The following AHNAK variants were observed in gnomAD, a reference collection of about 807,000 sequenced individuals.
AHNAK encodes the protein AHNAK nucleoprotein.
Under a neutral mutation model 37.8 loss-of-function variants are expected in AHNAK, and 23 were observed. That is an observed-to-expected ratio of 0.61 (90% CI 0.44 to 0.86). The LOEUF (loss-of-function observed/expected upper bound fraction) is 0.86, where lower values mean the gene tolerates loss of function less well. Ranked by LOEUF, AHNAK falls within the 40% of genes least tolerant of loss-of-function variation. The pLI is 0.00. For missense variants in AHNAK, 7,411 were observed against 7,319.4 expected, an observed-to-expected ratio of 1.01 and a Z score of -0.46; for synonymous variants, 2,481 against 2,636.3, an observed-to-expected ratio of 0.94 and a Z score of 1.80.
At position 62,534,093 on chromosome 11, in the gene AHNAK, G is replaced by T; in HGVS notation, c.343-19C>A. The T allele has an allele frequency of 6.6e-7, 1 of 1,522,054 alleles. No individual in the cohort carries two copies. The allele number at this position is 1,522,054 out of a possible 1,614,324, so 94.3% of individuals were successfully genotyped here. ...CCCCGCTCTGCAGAAAGACACGCCG[G>T]GCAGAGGTTGCAGCAGAGTCTGCCT... On this transcript the variant is annotated intron_variant, in intron 4 of 4. Transcript: ENST00000378024.
rs1324433446 is a variant in AHNAK at position 62,522,718 on chromosome 11, C to A, written c.11699G>T (p.Gly3900Val). 6.2e-7 allele frequency: 1 copy of A among 1,612,908 alleles called. No individual in the cohort carries two copies. Among genetic ancestry groups the A allele is most frequent in the Non-Finnish European group, 8.5e-7 (1 of 1,179,812 alleles). ...DMDVSLPKVEGDMQVPDLDIK... is the reference protein window; with the variant it reads ...DMDVSLPKVEVDMQVPDLDIK... ...ATCCAAGTCAGGAACTTGCATGTCA[C>A]CTTCCACTTTTGGCAGAGACACATC... Residue 3900 changes from glycine (G) to valine (V), a missense_variant, in exon 5 of 5, where the codon GGT becomes GTT. Gly to Val is a moderately radical substitution (Grantham distance 109). Transcript: ENST00000378024.
rs371833005 is a variant in AHNAK at position 62,524,725 on chromosome 11, G to T, written c.9692C>A (p.Pro3231His). Residue 3231 changes from proline (P) to histidine (H), a missense_variant, in exon 5 of 5, where the codon CCT (proline) becomes CAT (histidine). Physicochemically the swap from Pro to His is moderately conservative, Grantham distance 77. Transcript: ENST00000378024. ...AACATCCACCTCTCCTTTCATTTTA[G>T]GGCCTTTAAGATTGAGGTCCAAATC... ...MPDLDLNLKGPKMKGEVDVSL... is the reference protein window; with the variant it reads ...MPDLDLNLKGHKMKGEVDVSL... The T allele has an allele frequency of 3.7e-6, 6 of 1,613,980 alleles. No homozygotes were observed. The African/African-American group carries it at 8.0e-5, about 22-fold the overall frequency.
intron 5 of AHNAK, among the ~76,000 whole-genome samples, chr11:62,452,958 G>A (rs1212144587): frequency 1.3e-5 from 2 of 152,130 alleles, no homozygotes; most frequent in Non-Finnish European, 2.9e-5. Context: ...CCAGGAGGTG[G>A]AAGTTGCAGT....
At chr11:62,483,505 T>A (rs994564615) in intron 5 of AHNAK, among the ~76,000 whole-genome samples, 1 of 151,666 alleles carries the variant, frequency 6.6e-6, no homozygotes, top group Admixed American at 6.6e-5. Context: ...GGCGGGCGGA[T>A]CACGAGGTCA....
At position 62,520,088 on chromosome 11, in the gene AHNAK, G is replaced by A. The variant is rs773628400; in HGVS notation, c.14329C>T (p.His4777Tyr). The stretch of plus-strand genomic sequence containing the variant: ...ATTTTCACCTTGGGCATCTTCAGGT[G>A]CCAGTCTGGGCCATGAACATCCACA... Reference protein sequence around the residue: ...PDVDVHGPDWHLKMPKVKMPK... With the variant: ...PDVDVHGPDWYLKMPKVKMPK... Residue 4777 changes from histidine to tyrosine, a missense_variant, in exon 5 of 5, where the codon CAC becomes TAC. By Grantham distance (83) the His-to-Tyr change is moderately conservative. Transcript: ENST00000378024. 1 of 1,612,538 alleles carries A rather than the reference G, an allele frequency of 6.2e-7. No individual in the cohort carries two copies. The highest frequency in any genetic ancestry group is 1.3e-5 in the African/African-American group (1 of 74,350).
intron 5 of AHNAK, among the ~76,000 whole-genome samples, chr11:62,482,872 C>T (rs111270475): frequency 3.4e-4 from 51 of 152,210 alleles, no homozygotes; most frequent in African/African-American, 1.2e-3. Flanking sequence ...ATTCCTCATT[C>T]GTAATGTGCA....
At chr11:62,441,430 G>T (rs1938303025) in intron 5 of AHNAK, among the ~76,000 whole-genome samples, 1 of 152,104 alleles carries the variant, frequency 6.6e-6, no homozygotes, top group African/African-American at 2.4e-5. Flanking sequence ...CTGTGATGGA[G>T]CCACTGCCCT....
intron 5 of AHNAK, among the ~76,000 whole-genome samples, chr11:62,486,515 GAAGA>G (rs1208870063): frequency 9.5e-6 from 1 of 105,794 alleles, no homozygotes; most frequent in Non-Finnish European, 1.9e-5. Flanking sequence ...AGGAAGGAAG[GAAGA>G]AAGGAAAGAA....
At chr11:62,441,926 C>G (rs757636171) in intron 5 of AHNAK, among the ~76,000 whole-genome samples, 33 of 152,172 alleles carry the variant, frequency 2.2e-4, no homozygotes, top group Non-Finnish European at 4.1e-4. Flanking sequence ...CCAGCAAGCC[C>G]TTGGTCAGGC....
intron 1 of AHNAK, among the ~76,000 whole-genome samples, chr11:62,543,216 C>T (rs1274008073): frequency 6.6e-6 from 1 of 152,220 alleles, no homozygotes; most frequent in African/African-American, 2.4e-5. Context: ...ACACAAACTG[C>T]GCGTGCGGAC....
At chr11:62,512,138 C>T (rs1939926018), downstream of AHNAK, among the ~76,000 whole-genome samples, 1 of 152,226 alleles carries the variant, frequency 6.6e-6, no homozygotes, top group Non-Finnish European at 1.5e-5. The surrounding 1 kb of genome is among the most constrained non-coding windows in gnomAD (Gnocchi z 4.0). Context: ...TGAGCCACTG[C>T]ACCTGGCCTT....
chr11:62,504,770 C>A (rs538260944), intron 4 of AHNAK, among the ~76,000 whole-genome samples: 1 of 152,076 alleles, frequency 6.6e-6, no homozygotes, highest in South Asian at 2.1e-4. Context: ...TGCCCCACCC[C>A]CTACCCTGCC....
intron 5 of AHNAK, among the ~76,000 whole-genome samples, chr11:62,482,462 G>A (rs1939295661): frequency 1.3e-5 from 2 of 152,086 alleles, no homozygotes; most frequent in Admixed American, 6.6e-5. Context: ...GCCCCCCTGG[G>A]TTCAAATACT....
At chr11:62,514,205 G>A (rs1939964820), downstream of AHNAK, among the ~76,000 whole-genome samples, 1 of 152,214 alleles carries the variant, frequency 6.6e-6, no homozygotes, top group East Asian at 1.9e-4. Context: ...GCACCCCACT[G>A]TCGCACACTC....
chr11:62,440,636 G>A (rs1208841380), intron 5 of AHNAK, among the ~76,000 whole-genome samples: 1 of 152,088 alleles, frequency 6.6e-6, no homozygotes, highest in African/African-American at 2.4e-5. Flanking sequence ...ATAATCAGGG[G>A]GGAAATGATG....
At chr11:62,433,647 C>T in exon 6 of AHNAK, 2 of 596,812 alleles carry the variant, frequency 3.4e-6, no homozygotes, top group Non-Finnish European at 5.9e-6. Flanking sequence ...CACACTCTGT[C>T]CCCTTGCAAG....
intron 5 of AHNAK, among the ~76,000 whole-genome samples, chr11:62,478,075 C>T (rs1590615050): frequency 2.0e-5 from 3 of 152,146 alleles, no homozygotes. Context: ...AATTCCTCTC[C>T]GCAGGACTCA....
chr11:62,527,748 G>A lies in AHNAK; in HGVS notation c.6669C>T (p.Pro2223=), dbSNP rs372211758. ...CATCTGGGGCATCAATGTCCACTTT[G>A]GGCCCTCTGATGTCAACATCTGGCA... ...MKVPDVDIRG[P]KVDIDAPDVD... The change falls in exon 5 of 5, where the codon CCC becomes CCT. Residue 2223 remains proline, a synonymous_variant. Transcript: ENST00000378024. 1.2e-6 allele frequency: 2 copies of A among 1,614,014 alleles called. No homozygotes were observed. The highest frequency in any genetic ancestry group is 2.2e-5 in the South Asian group (2 of 91,068).
chr11:62,534,409 C>T lies in AHNAK; in HGVS notation c.343-335G>A, dbSNP rs116571364. ...GGGACACCTCCCAAGAGACCAGGCC[C>T]TTCAGCTCCCAACTCTCAAGCCACT... On this transcript the variant is annotated intron_variant, in intron 4 of 4. Coordinates refer to ENST00000378024, the MANE Select transcript of AHNAK (RefSeq NM_001620.3). Among the ~76,000 whole-genome samples the T allele has an allele frequency of 1.5e-3, 225 of 152,332 alleles. 1 individual carries two copies. Among genetic ancestry groups the T allele is most frequent in the African/African-American group, 5.1e-3 (213 of 41,582 alleles).
Sources: allele counts gnomAD v4.1 joint callset (sites outside exome capture counted in the v4.1 genomes callset), GRCh38; gene constraint gnomAD v4.1.1; non-coding constraint Gnocchi (gnomAD v3.1); transcripts MANE v1.5; gene names NCBI Gene and HGNC (gene_info 2026-07-23, HGNC 2026-07-21).